MAP3K1: variants seen among roughly 807,000 people sequenced by gnomAD.
The protein encoded by MAP3K1 is MAP/ERK kinase kinase 1.
Under a neutral mutation model 144.2 loss-of-function variants are expected in MAP3K1, and 36 were observed. The ratio of observed to expected loss-of-function variants is 0.25; its 90% confidence interval spans 0.19 to 0.33. The LOEUF is 0.33. Ranked by LOEUF, MAP3K1 falls within the 10% of genes least tolerant of loss-of-function variation. The pLI is 1.00. For missense variants in MAP3K1, 1,650 were observed against 1,881.9 expected, an observed-to-expected ratio of 0.88 and a Z score of 2.28; for synonymous variants, 718 against 688.7, an observed-to-expected ratio of 1.04 and a Z score of -0.67.
chr5:56,828,560 G>A (rs1746387666), intron 1 of MAP3K1, among the ~76,000 whole-genome samples: 1 of 152,180 alleles, frequency 6.6e-6, no homozygotes, highest in South Asian at 2.1e-4. Flanking sequence ...AATCATGTTT[G>A]TCAAGCAACA....
At chr5:56,892,471 GA>G (rs966468197) in intron 19 of MAP3K1, among the ~76,000 whole-genome samples, 6 of 151,700 alleles carry the variant, frequency 4.0e-5, no homozygotes, top group African/African-American at 1.2e-4. Context: ...CAAATTACAA[GA>G]AAAAAAATTG....
chr5:56,841,202 T>TA (rs3076543), intron 1 of MAP3K1, among the ~76,000 whole-genome samples: 14,320 of 147,378 alleles, frequency 0.097, 1,079 homozygotes, highest in African/African-American at 0.22. Context: ...CTTATTGATT[T>TA]AAAAAAAAAA....
chr5:56,892,869 C>T (rs1748587805), intron 19 of MAP3K1, among the ~76,000 whole-genome samples: 1 of 151,188 alleles, frequency 6.6e-6, no homozygotes, highest in Non-Finnish European at 1.5e-5. Context: ...GTTATTGCAG[C>T]ACAAATTTTA....
In MAP3K1 at chr5:56,882,055, C is replaced by G. The variant is rs1454686153; in HGVS notation, c.2855C>G (p.Pro952Arg). The change falls in exon 14 of 20, where the codon CCA (proline) becomes CGA (arginine). Residue 952 changes from proline (P) to arginine (R), a missense_variant. Physicochemically the swap from Pro to Arg is moderately radical, Grantham distance 103. Coordinates refer to ENST00000399503, the MANE Select transcript of MAP3K1 (RefSeq NM_005921.2). ...ACAACAACAACAACAACAGAGCAACCAAAGCCAATGGTTCAAACAAAAGGC... is the reference window on the plus strand; with the variant it reads ...ACAACAACAACAACAACAGAGCAACGAAAGCCAATGGTTCAAACAAAAGGC... Reference protein sequence around the residue: ...TTTTTTTTEQPKPMVQTKGRP... With the variant: ...TTTTTTTTEQRKPMVQTKGRP... The G allele has an allele frequency of 6.2e-7, 1 of 1,613,992 alleles. No individual in the cohort carries two copies. The highest frequency in any genetic ancestry group is 1.1e-5 in the South Asian group (1 of 91,076).
At chr5:56,870,925 T>C (rs796519833) in intron 6 of MAP3K1, among the ~76,000 whole-genome samples, 44 of 152,276 alleles carry the variant, frequency 2.9e-4, no homozygotes, top group African/African-American at 9.6e-4. Flanking sequence ...CTTCCAGAGA[T>C]TTTAGTTTTT....
intron 1 of MAP3K1, among the ~76,000 whole-genome samples, chr5:56,831,184 GTT>G (rs5868030): frequency 0.56 from 75,979 of 136,206 alleles, 22,053 homozygotes; most frequent in Non-Finnish European, 0.68. Context: ...AAAATGTTGG[GTT>G]TTTTTTTTTT....
At chr5:56,853,535 G>A (rs917952667) in intron 1 of MAP3K1, among the ~76,000 whole-genome samples, 32 of 152,144 alleles carry the variant, frequency 2.1e-4, no homozygotes, top group Non-Finnish European at 4.0e-4. Context: ...TATAGATGGC[G>A]ATAACACGTG....
At chr5:56,872,353 A>G (rs184418740) in intron 7 of MAP3K1, among the ~76,000 whole-genome samples, 2 of 152,352 alleles carry the variant, frequency 1.3e-5, no homozygotes, top group African/African-American at 2.4e-5. Context: ...CAGGCATTAC[A>G]GAAAGGCTAG....
intron 1 of MAP3K1, among the ~76,000 whole-genome samples, chr5:56,825,967 CT>C (rs200937350): frequency 0.1 from 15,141 of 145,952 alleles, 1,195 homozygotes; most frequent in East Asian, 0.35. Context: ...GACCGTTCTT[CT>C]TTTTTTTTTT....
In MAP3K1 at chr5:56,893,554, A is replaced by G. The variant is rs760319082; in HGVS notation, c.4413A>G (p.Pro1471=). The G allele has an allele frequency of 6.2e-7, 1 of 1,613,828 alleles. No homozygotes were observed. The highest frequency in any genetic ancestry group is 2.2e-5 in the East Asian group (1 of 44,888). The change falls in exon 20 of 20, where the codon CCA becomes CCG. Residue 1471 remains proline (P), a synonymous_variant. Transcript: ENST00000399503. ...IFKIASATTA[P]SIPSHLSPGL... is the part of the protein sequence containing the mutation. ...AGATTGCTAGTGCAACTACTGCTCC[A>G]TCGATCCCTTCACATTTGTCTCCTG... is the stretch of plus-strand genomic sequence containing the variant.
chr5:56,870,545 C>T (rs943179204), intron 6 of MAP3K1, among the ~76,000 whole-genome samples: 6 of 152,288 alleles, frequency 3.9e-5, no homozygotes, highest in African/African-American at 1.4e-4. Flanking sequence ...TTGCACACTT[C>T]GTACTTCAGC....
rs1748686699 is a variant in MAP3K1, at chr5:56,895,848, A to G, written c.*2168A>G. The G allele has an allele frequency of 4.3e-6, 1 of 231,250 alleles. No homozygotes were observed. The highest frequency in any genetic ancestry group is 8.5e-6 in the Non-Finnish European group (1 of 116,966). The allele number at this position is 231,250 out of a possible 1,614,324, so 14.3% of individuals were successfully genotyped here. ...CAGTTTCTACTACCTCAGGTGTCCT[A>G]TAGATTTTTCTTCTACCAAAGTTCA... On this transcript the variant is annotated 3_prime_UTR_variant, in exon 20 of 20. Transcript: ENST00000399503.
intron 1 of MAP3K1, among the ~76,000 whole-genome samples, chr5:56,827,941 C>G (rs1746370231): frequency 6.6e-6 from 1 of 151,732 alleles, no homozygotes; most frequent in Non-Finnish European, 1.5e-5. Context: ...CTTCTCTGAA[C>G]CTTGAATTTC....
At chr5:56,889,773 G>C (rs571175198) in intron 19 of MAP3K1, among the ~76,000 whole-genome samples, 1 of 151,918 alleles carries the variant, frequency 6.6e-6, no homozygotes, top group Admixed American at 6.6e-5. Context: ...CATGTACTTC[G>C]TGGGATTACT....
intron 1 of MAP3K1, among the ~76,000 whole-genome samples, chr5:56,851,423 C>T (rs932531211): frequency 7.2e-5 from 11 of 152,018 alleles, no homozygotes; most frequent in Admixed American, 1.3e-4. Context: ...ACACTTGGCC[C>T]GTGGAGAACT....
chr5:56,856,898 C>A, intron 2 of MAP3K1, 148 bp downstream of exon 2: 1 of 884,186 alleles, frequency 1.1e-6, no homozygotes, highest in South Asian at 1.6e-5. Context: ...TTGGAAGAAA[C>A]CATAATTAAA....
chr5:56,859,725 C>A lies in MAP3K1; in HGVS notation c.644C>A (p.Pro215Gln). 2 of 1,613,472 alleles carry A rather than the reference C, an allele frequency of 1.2e-6. No individual in the cohort carries two copies. The highest frequency in any genetic ancestry group is 1.7e-6 in the Non-Finnish European group (2 of 1,179,682). Residue 215 changes from proline to glutamine, a missense_variant, in exon 3 of 20, where the codon CCA becomes CAA. Pro to Gln is a moderately conservative substitution (Grantham distance 76, BLOSUM62 -1). Around this residue, in one of 6 missense-constraint regions of MAP3K1, gnomAD observed 148 missense variants for 177.2 expected, o/e 0.84. Transcript: ENST00000399503. The part of the protein sequence containing the change: ...RNRRGPVVVK[P>Q]IPVKGDGSEM... ...AATACTTTGATTCAGGTGGTAAAAC[C>A]AATCCCAGTTAAAGGAGATGGATCT...
chr5:56,816,987 T>C (rs1745997321), intron 1 of MAP3K1: 21 of 809,056 alleles, frequency 2.6e-5, no homozygotes, highest in Non-Finnish European at 3.1e-5. Context: ...GCCCGGGGAC[T>C]GCGGCGCGGG....
At chr5:56,835,454 A>G (rs1299278427) in intron 1 of MAP3K1, among the ~76,000 whole-genome samples, 5 of 150,834 alleles carry the variant, frequency 3.3e-5, no homozygotes, top group African/African-American at 1.2e-4. Flanking sequence ...GAAGGCAGGG[A>G]AGAGGAGACA....
Sources: gnomAD v4.1 joint callset for allele counts (sites outside exome capture counted in the v4.1 genomes callset) on GRCh38, gnomAD v4.1.1 for gene constraint, gnomAD v4.1.1 regional missense constraint, MANE v1.5 for transcripts, NCBI Gene and HGNC (gene_info 2026-07-23, HGNC 2026-07-21) for gene names.